ATP2C1: variants seen among roughly 807,000 people sequenced by gnomAD.
The protein encoded by ATP2C1 is ATPase secretory pathway Ca2+ transporting 1.
In ATP2C1, 31 loss-of-function variants were observed where a neutral mutation model predicts 120.5. The ratio of observed to expected loss-of-function variants is 0.26; its 90% CI spans 0.19 to 0.35. The LOEUF (loss-of-function observed/expected upper bound fraction) is 0.35, where lower values mean the gene tolerates loss of function less well. Among genes scored for constraint, ATP2C1 ranks in the 10% least tolerant of loss-of-function variants. The pLI, the probability that ATP2C1 is intolerant of heterozygous loss-of-function variation, is 1.00. For missense variants in ATP2C1, 731 were observed against 1,107.5 expected (o/e 0.66, Z 4.83); for synonymous variants, 351 against 358.7 (o/e 0.98, Z 0.24).
chr3:130,875,009 GTTGTA>G (rs1198079321), intron 1 of ATP2C1, among the ~76,000 whole-genome samples: 1 of 152,110 alleles, frequency 6.6e-6, no homozygotes, highest in Non-Finnish European at 1.5e-5. Context: ...ACATGTAATA[GTTGTA>G]TTTATTTATG....
At chr3:131,007,223 G>C (rs932363492), downstream of ATP2C1, among the ~76,000 whole-genome samples, 5 of 152,140 alleles carry the variant, frequency 3.3e-5, no homozygotes, top group Non-Finnish European at 7.4e-5. Context: ...TCGTGTACAC[G>C]TGAACATATA....
chr3:130,913,505 C>G (rs2058541025), intron 2 of ATP2C1, among the ~76,000 whole-genome samples: 1 of 152,124 alleles, frequency 6.6e-6, no homozygotes, highest in African/African-American at 2.4e-5. Context: ...TATAAAATGT[C>G]TTGTTGGCAT....
chr3:131,006,136 G>C (rs2063100315), downstream of ATP2C1, among the ~76,000 whole-genome samples: 1 of 152,184 alleles, frequency 6.6e-6, no homozygotes, highest in Admixed American at 6.5e-5. Flanking sequence ...TTTTGAGAAG[G>C]AGTCTTGCTC....
intron 7 of ATP2C1, among the ~76,000 whole-genome samples, chr3:130,940,933 T>TTTA (rs1384737363): frequency 2.1e-5 from 3 of 144,176 alleles, no homozygotes; most frequent in Non-Finnish European, 4.5e-5. Context: ...TTTTTTTTTT[T>TTTA]AGATGGAGTC....
Position 130,940,708 on chromosome 3 carries a change from G to A in ATP2C1, c.422+17G>A. 1 of 1,593,650 alleles carries A rather than the reference G, an allele frequency of 6.3e-7. No homozygotes were observed. ...ATGCCATTGGTATGATCCTTTTTTT[G>A]GTATGGATTTCTGCCCCTTTAAAAA... On this transcript the variant is annotated intron_variant, in intron 7 of 27. Coordinates refer to ENST00000510168, the MANE Select transcript of ATP2C1 (RefSeq NM_001378687.1).
intron 2 of ATP2C1, among the ~76,000 whole-genome samples, chr3:130,902,893 T>C (rs189687546): frequency 6.6e-6 from 1 of 152,176 alleles, no homozygotes; most frequent in East Asian, 1.9e-4. Flanking sequence ...TTTTCATCTC[T>C]AATACCAATC....
intron 11 of ATP2C1, among the ~76,000 whole-genome samples, chr3:130,958,057 A>G (rs2060658259): frequency 6.6e-6 from 1 of 152,172 alleles, no homozygotes; most frequent in South Asian, 2.1e-4. Flanking sequence ...AGATCGAATG[A>G]CATTCTAGCC....
intron 1 of ATP2C1, among the ~76,000 whole-genome samples, chr3:130,873,835 G>C (rs140923191): frequency 1.3e-5 from 2 of 152,258 alleles, no homozygotes; most frequent in African/African-American, 4.8e-5. Context: ...AATCTAGCCA[G>C]GCACCGTGGC....
intron 26 of ATP2C1, chr3:131,014,417 TAAAG>T (rs1295075509): frequency 3.3e-6 from 5 of 1,534,094 alleles, no homozygotes; most frequent in Non-Finnish European, 4.4e-6. Context: ...AGTATGTTGT[TAAAG>T]AAGTAATTCA....
chr3:131,009,748 G>T (rs1355989227), intron 26 of ATP2C1, among the ~76,000 whole-genome samples: 1 of 152,042 alleles, frequency 6.6e-6, no homozygotes, highest in Non-Finnish European at 1.5e-5. Flanking sequence ...CTGAAAGTGG[G>T]GTGTAATGTT....
rs543350845 is a variant in ATP2C1 at position 131,001,993 on chromosome 3, A to G, written c.*643A>G. 11 of 983,680 alleles carry G rather than the reference A, an allele frequency of 1.1e-5. No individual in the cohort carries two copies. Among genetic ancestry groups the G allele is most frequent in the Non-Finnish European group, 1.3e-5 (11 of 828,006 alleles). The allele number at this position is 983,680 out of a possible 1,614,324, so 60.9% of individuals were successfully genotyped here. A position where few individuals can be genotyped will look rare whatever the true frequency, so the allele number is the denominator to read the frequency against. ...TTTGAAGTAAATTTTTGTTTTTCTT[A>G]GTAAGTGTAAATGGTTGCTTTATTT... On this transcript the variant is annotated 3_prime_UTR_variant, in exon 28 of 28. Coordinates refer to ENST00000510168, the MANE Select transcript of ATP2C1 (RefSeq NM_001378687.1).
intron 1 of ATP2C1, among the ~76,000 whole-genome samples, chr3:130,888,561 G>T (rs767119415): frequency 6.6e-6 from 1 of 152,188 alleles, no homozygotes; most frequent in Non-Finnish European, 1.5e-5. Flanking sequence ...TTCCCTTCAT[G>T]CATGAGTGCT....
At position 131,002,762 on chromosome 3, in the gene ATP2C1, T is replaced by C. The variant is rs1384296540; in HGVS notation, c.*1412T>C. The C allele has an allele frequency of 3.0e-6, 3 of 985,396 alleles. No individual in the cohort carries two copies. The allele number at this position is 985,396 out of a possible 1,614,324, so 61.0% of individuals were successfully genotyped here. ...CCTTAGCTTTTATCCAATATTAAACTGCAAGTGTTAGCACTGAAATATTGT... is the reference window on the plus strand; with the variant it reads ...CCTTAGCTTTTATCCAATATTAAACCGCAAGTGTTAGCACTGAAATATTGT... On this transcript the variant is annotated 3_prime_UTR_variant, in exon 28 of 28. Coordinates refer to ENST00000510168, the MANE Select transcript of ATP2C1 (RefSeq NM_001378687.1).
At chr3:130,998,172 C>A in intron 25 of ATP2C1, 122 bp from the exon 26 acceptor site, 1 of 696,520 alleles carries the variant, frequency 1.4e-6, no homozygotes. Flanking sequence ...TTTTATGTTT[C>A]ATGTGTTAGG....
chr3:130,949,880 G>C (rs1280602966), intron 8 of ATP2C1, among the ~76,000 whole-genome samples: 2 of 152,050 alleles, frequency 1.3e-5, no homozygotes, highest in Non-Finnish European at 2.9e-5. Flanking sequence ...GGCAGCTACA[G>C]GTGAATATTT....
chr3:131,007,722 C>G (rs939782609), downstream of ATP2C1, among the ~76,000 whole-genome samples: 27 of 152,158 alleles, frequency 1.8e-4, no homozygotes, highest in African/African-American at 6.5e-4. Context: ...CTTTAGTTGA[C>G]AAGTGACAAT....
At chr3:130,996,474 T>C (rs930195186) in intron 23 of ATP2C1, among the ~76,000 whole-genome samples, 2 of 152,220 alleles carry the variant, frequency 1.3e-5, no homozygotes, top group African/African-American at 2.4e-5. Flanking sequence ...AATTCTTTAT[T>C]TGTTCCTGTT....
intron 2 of ATP2C1, among the ~76,000 whole-genome samples, chr3:130,912,125 G>A (rs879421655): frequency 2.3e-4 from 26 of 112,018 alleles, no homozygotes; most frequent in Admixed American, 8.6e-4. Flanking sequence ...AGATTTAAAC[G>A]TTAGACCTAA....
intron 1 of ATP2C1, among the ~76,000 whole-genome samples, chr3:130,882,347 GCAC>G (rs1413859600): frequency 2.0e-5 from 3 of 151,874 alleles, no homozygotes; most frequent in Non-Finnish European, 4.4e-5. Context: ...TTACAGGCAT[GCAC>G]CACCACACCT....
Sources: allele counts gnomAD v4.1 joint callset (sites outside exome capture counted in the v4.1 genomes callset), GRCh38; gene constraint gnomAD v4.1.1; transcripts MANE v1.5; gene names NCBI Gene and HGNC (gene_info 2026-07-23, HGNC 2026-07-21).